The following HERPUD1 variants were observed in gnomAD, a reference collection of about 807,000 sequenced individuals.
The protein encoded by HERPUD1 is homocysteine inducible ER protein with ubiquitin like domain 1.
A neutral mutation model predicts 45.0 loss-of-function variants in HERPUD1; 17 were observed. That is an observed-to-expected ratio of 0.38 (90% confidence interval 0.26 to 0.57). HERPUD1 has a LOEUF of 0.57. HERPUD1 is among the 20% of genes least tolerant of loss of function. The pLI, the probability that HERPUD1 is intolerant of heterozygous loss-of-function variation, is 0.72. For synonymous variants in HERPUD1, 164 were observed against 177.5 expected (o/e 0.92, Z 0.61); for missense variants, 420 against 490.5 (o/e 0.86, Z 1.36).
rs866038 is a variant in HERPUD1 at position 56,944,040 on chromosome 16, C to T, written c.*750C>T. 0.39 allele frequency: 61,954 copies of T among 159,650 alleles called. 14,396 individuals are homozygous for T. Among genetic ancestry groups the T allele is most frequent in the African/African-American group, 0.66 (27,711 of 41,694 alleles). 9.9% of individuals were successfully genotyped at this position (159,650 alleles called of 1,614,324 possible). On this transcript the variant is annotated 3_prime_UTR_variant, in exon 8 of 8. Coordinates refer to ENST00000439977, the MANE Select transcript of HERPUD1 (RefSeq NM_014685.4). ...GTAAGGCCATGAAAGTTTTTGTTGG[C>T]GTTTTTGTTTTTGAGATGGGGTCTT...
intron 1 of HERPUD1, among the ~76,000 whole-genome samples, chr16:56,932,746 C>A (rs1055225502): frequency 2.6e-5 from 4 of 152,266 alleles, no homozygotes; most frequent in Non-Finnish European, 5.9e-5. Flanking sequence ...AACGCAGCCT[C>A]TCTGCAGGGA....
rs1353872587 is a variant in HERPUD1 at position 56,944,687 on chromosome 16, C to G, written c.*1397C>G. 1 of 152,148 alleles carries G rather than the reference C, an allele frequency of 6.6e-6. No individual in the cohort carries two copies. The highest frequency in any genetic ancestry group is 1.5e-5 in the Non-Finnish European group (1 of 68,048). 9.4% of individuals were successfully genotyped at this position (152,148 alleles called of 1,614,324 possible). A position where few individuals can be genotyped will look rare whatever the true frequency, so the allele number is the denominator to read the frequency against. On this transcript the variant is annotated 3_prime_UTR_variant, in exon 8 of 8. Coordinates refer to ENST00000439977, the MANE Select transcript of HERPUD1 (RefSeq NM_014685.4). ...TCACCCATGTTGGCCAGGCTGGTCT[C>G]AAACCCCTGACCTCAGGTGATCTGC...
At position 56,943,953 on chromosome 16, in the gene HERPUD1, G is replaced by C. The variant is rs1460859220; in HGVS notation, c.*663G>C. 1.1e-5 allele frequency: 2 copies of C among 178,764 alleles called. No individual in the cohort carries two copies. Among genetic ancestry groups the C allele is most frequent in the East Asian group, 2.0e-4 (2 of 10,148 alleles). The allele number at this position is 178,764 out of a possible 1,614,324, so 11.1% of individuals were successfully genotyped here. A position where few individuals can be genotyped will look rare whatever the true frequency, so the allele number is the denominator to read the frequency against. On this transcript the variant is annotated 3_prime_UTR_variant, in exon 8 of 8. Coordinates refer to ENST00000439977, the MANE Select transcript of HERPUD1 (RefSeq NM_014685.4). ...CTAGACAGTCAACAACTGAGTTGTC[G>C]GTGTTTAACCTGAATGCTTGTTTTT...
At position 56,936,829 on chromosome 16, in the gene HERPUD1, A is replaced by T; in HGVS notation, c.431+12A>T. ...GAAAACATCTCAAGGTGAGTGTTAT[A>T]ATAAAGATCTTGGCTTATGCAACAT... On this transcript the variant is annotated intron_variant, in intron 4 of 7. Transcript: ENST00000439977. The T allele has an allele frequency of 6.2e-7, 1 of 1,613,072 alleles. No homozygotes were observed. The highest frequency in any genetic ancestry group is 8.5e-7 in the Non-Finnish European group (1 of 1,179,318).
rs2055929742 is a variant in HERPUD1 at position 56,943,690 on chromosome 16, T to G, written c.*400T>G. 1 of 361,642 alleles carries G rather than the reference T, an allele frequency of 2.8e-6. No individual in the cohort carries two copies. The highest frequency in any genetic ancestry group is 4.1e-5 in the Admixed American group (1 of 24,628). 22.4% of individuals were successfully genotyped at this position (361,642 alleles called of 1,614,324 possible). A position where few individuals can be genotyped will look rare whatever the true frequency, so the allele number is the denominator to read the frequency against. On this transcript the variant is annotated 3_prime_UTR_variant, in exon 8 of 8. Coordinates refer to ENST00000439977, the MANE Select transcript of HERPUD1 (RefSeq NM_014685.4). ...TTTGATTCCTGTTGGAATGTTTAAA[T>G]TACACTAAGTGTACTACTTTATATA...
rs773229329 is a variant in HERPUD1 at position 56,935,225 on chromosome 16, C to T, written c.148-10C>T. On this transcript the variant is annotated splice_polypyrimidine_tract_variant and intron_variant, in intron 1 of 7. Transcript: ENST00000439977. ...TGCTGACCTGTGTTACTCTTTCTTT[C>T]CATGATCAGCGTCCAGAGGACCAGA... 6.2e-7 allele frequency: 1 copy of T among 1,606,782 alleles called. No homozygotes were observed. The highest frequency in any genetic ancestry group is 8.5e-7 in the Non-Finnish European group (1 of 1,173,504).
chr16:56,938,085 C>T (rs1398080240), intron 4 of HERPUD1, among the ~76,000 whole-genome samples: 1 of 152,138 alleles, frequency 6.6e-6, no homozygotes, highest in African/African-American at 2.4e-5. Flanking sequence ...TACAACTTTG[C>T]TTAAGGATAT....
At chr16:56,935,155 GT>G in intron 1 of HERPUD1, 79 bp from the exon 2 acceptor site, 1 of 948,426 alleles carries the variant, frequency 1.1e-6, no homozygotes, top group South Asian at 1.3e-5. Context: ...CAAATTACTT[GT>G]ATAAAACAGT....
intron 7 of HERPUD1, among the ~76,000 whole-genome samples, chr16:56,942,681 C>G (rs1279820994): frequency 6.6e-6 from 1 of 152,008 alleles, no homozygotes; most frequent in East Asian, 1.9e-4. Flanking sequence ...ATGGTGACAC[C>G]CCGTCTCTAC....
intron 1 of HERPUD1, 43 bp downstream of exon 1, chr16:56,932,434 C>G: frequency 6.8e-7 from 1 of 1,474,078 alleles, no homozygotes; most frequent in South Asian, 1.3e-5. Flanking sequence ...TGTGGCCCCC[C>G]GCCCTCTGCT....
chr16:56,941,726 A>G (rs1322364067), intron 6 of HERPUD1: 3 of 153,102 alleles, frequency 2.0e-5, no homozygotes, highest in African/African-American at 7.2e-5. Flanking sequence ...CGTTTAGTTA[A>G]TATTTTCTGT....
At chr16:56,941,829 T>G (rs1421360360) in intron 6 of HERPUD1, 1 of 227,066 alleles carries the variant, frequency 4.4e-6, no homozygotes, top group African/African-American at 2.3e-5. Flanking sequence ...TTCTCCCCGC[T>G]CTGTTCAGGT....
In HERPUD1 at chr16:56,935,594, T is replaced by C. The variant is rs1283381030; in HGVS notation, c.300+119T>C. On this transcript the variant is annotated intron_variant, in intron 3 of 7. Coordinates refer to ENST00000439977, the MANE Select transcript of HERPUD1 (RefSeq NM_014685.4). ...TGTATGGTGTTATTACCAAGTAATA[T>C]TTTGTTTCTTTCCTAGGAATTAGAA... The C allele has an allele frequency of 3.6e-6, 3 of 823,884 alleles. No individual in the cohort carries two copies. In the Admixed American group the frequency reaches 6.5e-5, roughly 18 times the overall value. The allele number at this position is 823,884 out of a possible 1,614,324, so 51.0% of individuals were successfully genotyped here.
At chr16:56,935,953 T>C (rs1462028345) in intron 3 of HERPUD1, 2 of 158,832 alleles carry the variant, frequency 1.3e-5, no homozygotes, top group East Asian at 1.9e-4. Context: ...ATGGTCTCGC[T>C]GTGTGGCCCA....
chr16:56,935,177 T>C, intron 1 of HERPUD1, 58 bp from the exon 2 acceptor site: 3 of 1,170,948 alleles, frequency 2.6e-6, no homozygotes, highest in Non-Finnish European at 3.9e-6. Flanking sequence ...TTATTCTGTG[T>C]TTAGGAACTT....
chr16:56,936,933 T>G, intron 4 of HERPUD1, 116 bp downstream of exon 4: 1 of 1,192,152 alleles, frequency 8.4e-7, no homozygotes, highest in Non-Finnish European at 1.1e-6. Context: ...CATACAGAAT[T>G]TTGCTTTATA....
At position 56,944,842 on chromosome 16, in the gene HERPUD1, A is replaced by G. The variant is rs1199115616; in HGVS notation, c.*1552A>G. On this transcript the variant is annotated 3_prime_UTR_variant, in exon 8 of 8. Coordinates refer to ENST00000439977, the MANE Select transcript of HERPUD1 (RefSeq NM_014685.4). ...TTATGTGTAGGTGTTCTATTTGGCA[A>G]AATAAATCAGCCTTTTCTATCATGA... 1 of 152,180 alleles carries G rather than the reference A, an allele frequency of 6.6e-6. No homozygotes were observed. The highest frequency in any genetic ancestry group is 2.1e-4 in the South Asian group (1 of 4,830). 9.4% of individuals were successfully genotyped at this position (152,180 alleles called of 1,614,324 possible).
At chr16:56,936,588 T>G in intron 3 of HERPUD1, 99 bp from the exon 4 acceptor site, 1 of 1,094,506 alleles carries the variant, frequency 9.1e-7, no homozygotes, top group Non-Finnish European at 1.2e-6. Flanking sequence ...AGGTGGGGGG[T>G]AGGAGATGTA....
rs1038205994 is a variant in HERPUD1, at chr16:56,939,252, G to A, written c.447G>A (p.Gln149=). ...CTATGTATAGGCCTGAAGCTGCCCA[G>A]CAGGCATTCCAAGGCCTGGGTCCTG... The part of the protein sequence containing the change: ...WENISRPEAA[Q]QAFQGLGPGF... Residue 149 remains glutamine, a synonymous_variant, in exon 5 of 8, where the codon CAG becomes CAA. Coordinates refer to ENST00000439977, the MANE Select transcript of HERPUD1 (RefSeq NM_014685.4). 1 of 1,614,166 alleles carries A rather than the reference G, an allele frequency of 6.2e-7. No individual in the cohort carries two copies. Among genetic ancestry groups the A allele is most frequent in the African/African-American group, 1.3e-5 (1 of 75,064 alleles).
Sources: allele counts gnomAD v4.1 joint callset (sites outside exome capture counted in the v4.1 genomes callset), GRCh38; gene constraint gnomAD v4.1.1; transcripts MANE v1.5; gene names NCBI Gene and HGNC (gene_info 2026-07-23, HGNC 2026-07-21).